The following FBXL20 variants were observed in gnomAD, a reference collection of about 807,000 sequenced individuals.
FBXL20 encodes F-box and leucine rich repeat protein 20.
Under a neutral mutation model 64.0 loss-of-function variants are expected in FBXL20, and 11 were observed. The ratio of observed to expected loss-of-function variants is 0.17; its 90% CI spans 0.11 to 0.28. The LOEUF (loss-of-function observed/expected upper bound fraction) is 0.28. Among genes scored for constraint, FBXL20 ranks in the 10% least tolerant of loss-of-function variants. The pLI is 1.00. For synonymous variants in FBXL20, 184 were observed against 189.0 expected, an observed-to-expected ratio of 0.97 and a Z score of 0.22; for missense variants, 303 against 526.2, an observed-to-expected ratio of 0.58 and a Z score of 4.15.
At chr17:39,294,282 T>C (rs2047065603) in intron 6 of FBXL20, among the ~76,000 whole-genome samples, 1 of 151,876 alleles carries the variant, frequency 6.6e-6, no homozygotes, top group African/African-American at 2.4e-5. Flanking sequence ...GCTGCTTCTT[T>C]ATTATTTTTT....
At chr17:39,279,691 T>A (rs2046931163) in intron 9 of FBXL20, among the ~76,000 whole-genome samples, 1 of 151,928 alleles carries the variant, frequency 6.6e-6, no homozygotes, top group Non-Finnish European at 1.5e-5. Flanking sequence ...AGCCCAGGAA[T>A]TCGAGACCAA....
At chr17:39,292,832 C>G (rs1041207005) in intron 6 of FBXL20, among the ~76,000 whole-genome samples, 6 of 151,210 alleles carry the variant, frequency 4.0e-5, no homozygotes, top group Non-Finnish European at 7.4e-5. Flanking sequence ...GCTCTGTAGC[C>G]CAGGCTGGAG....
rs1470823867 is a variant in FBXL20 at position 39,253,009 on chromosome 17, A to G, written c.*8451T>C. 3 of 152,340 alleles carry G rather than the reference A, an allele frequency of 2.0e-5. No homozygotes were observed. In the East Asian group the frequency reaches 5.7e-4, roughly 29 times the overall value. The allele number at this position is 152,340 out of a possible 1,614,324, so 9.4% of individuals were successfully genotyped here. ...AGGCCTAGTGGAGAAACAAGCAAGC[A>G]GCAGCTCTCACACACTGCAGCACTC... On this transcript the variant is annotated 3_prime_UTR_variant, in exon 15 of 15. Coordinates refer to ENST00000264658, the MANE Select transcript of FBXL20 (RefSeq NM_032875.3).
chr17:39,270,963 A>C, intron 10 of FBXL20, 107 bp from the exon 11 acceptor site: 1 of 857,992 alleles, frequency 1.2e-6, no homozygotes, highest in Non-Finnish European at 1.8e-6. Flanking sequence ...TTCTCTAAGG[A>C]CTTTATAATA....
chr17:39,260,020 A>G lies in FBXL20; in HGVS notation c.*1440T>C, dbSNP rs969195168. ...AAAAAAAAAAAAGACTGGGGCAGAA[A>G]AGAGAGATGACTGACAGGTTATGGG... On this transcript the variant is annotated 3_prime_UTR_variant, in exon 15 of 15. Coordinates refer to ENST00000264658, the MANE Select transcript of FBXL20 (RefSeq NM_032875.3). 1 of 151,776 alleles carries G rather than the reference A, an allele frequency of 6.6e-6. No individual in the cohort carries two copies. The highest frequency in any genetic ancestry group is 1.5e-5 in the Non-Finnish European group (1 of 68,032). 9.4% of individuals were successfully genotyped at this position (151,776 alleles called of 1,614,324 possible).
At chr17:39,296,682 C>G (rs1432734377) in intron 6 of FBXL20, among the ~76,000 whole-genome samples, 1 of 151,732 alleles carries the variant, frequency 6.6e-6, no homozygotes, top group African/African-American at 2.4e-5. Flanking sequence ...TAATTTCCTT[C>G]AGATCATGAC....
chr17:39,319,899 A>G (rs2047338584), intron 2 of FBXL20, among the ~76,000 whole-genome samples: 1 of 152,132 alleles, frequency 6.6e-6, no homozygotes, highest in Non-Finnish European at 1.5e-5. Flanking sequence ...AGCATGAGCC[A>G]CTGTGCCTAG....
At chr17:39,383,680 C>A (rs74451598) in intron 1 of FBXL20, among the ~76,000 whole-genome samples, 1 of 150,924 alleles carries the variant, frequency 6.6e-6, no homozygotes, top group African/African-American at 2.4e-5. Flanking sequence ...ACCTCCGCCT[C>A]CCAGGTTCAA....
At chr17:39,379,656 C>T (rs1177771583) in intron 1 of FBXL20, among the ~76,000 whole-genome samples, 1 of 151,702 alleles carries the variant, frequency 6.6e-6, no homozygotes, top group East Asian at 1.9e-4. Flanking sequence ...TGGTACCCAT[C>T]TGCCACTTAG....
intron 2 of FBXL20, among the ~76,000 whole-genome samples, chr17:39,331,710 TTTAA>T (rs2047463094): frequency 6.6e-6 from 1 of 152,208 alleles, no homozygotes; most frequent in African/African-American, 2.4e-5. Context: ...GGAAAGGTAA[TTTAA>T]TTATTTCTAT....
intron 1 of FBXL20, among the ~76,000 whole-genome samples, chr17:39,397,362 C>G (rs1296111629): frequency 6.6e-6 from 1 of 152,168 alleles, no homozygotes; most frequent in African/African-American, 2.4e-5. Flanking sequence ...GAAATTGGAG[C>G]ATATCACTTT....
chr17:39,363,672 A>G (rs1209029492), intron 1 of FBXL20, among the ~76,000 whole-genome samples: 1 of 151,828 alleles, frequency 6.6e-6, no homozygotes, highest in East Asian at 1.9e-4. Flanking sequence ...CTAGCTGGGC[A>G]TGGTGACACA....
chr17:39,343,280 A>G lies in FBXL20; in HGVS notation c.43-39T>C, dbSNP rs745488374. ...ATCATAGTGTCAAGTGTTACTTAAC[A>G]TTTTATTACAGAATGTTCAACTCAA... On this transcript the variant is annotated intron_variant, in intron 1 of 14. Transcript: ENST00000264658. The G allele has an allele frequency of 1.1e-5, 16 of 1,417,242 alleles. No homozygotes were observed. The South Asian group carries it at 1.9e-4, about 17-fold the overall frequency. 87.8% of individuals were successfully genotyped at this position (1,417,242 alleles called of 1,614,324 possible).
At position 39,259,020 on chromosome 17, in the gene FBXL20, C is replaced by T. The variant is rs2144324461; in HGVS notation, c.*2440G>A. The T allele has an allele frequency of 6.6e-6, 1 of 152,258 alleles. No homozygotes were observed. Among genetic ancestry groups the T allele is most frequent in the Middle Eastern group, 3.4e-3 (1 of 294 alleles). The allele number at this position is 152,258 out of a possible 1,614,324, so 9.4% of individuals were successfully genotyped here. A position where few individuals can be genotyped will look rare whatever the true frequency, so the allele number is the denominator to read the frequency against. ...GCGTTTTTAAAGCGGCACAATAAAA[C>T]AGGATTTAAAATAAATTTAATATGA... On this transcript the variant is annotated 3_prime_UTR_variant, in exon 15 of 15. Coordinates refer to ENST00000264658, the MANE Select transcript of FBXL20 (RefSeq NM_032875.3).
chr17:39,371,310 A>G (rs1215089705), intron 1 of FBXL20, among the ~76,000 whole-genome samples: 1 of 152,226 alleles, frequency 6.6e-6, no homozygotes, highest in Non-Finnish European at 1.5e-5. Context: ...TAAAAAATCA[A>G]AACTTATAGG....
At chr17:39,340,401 T>C (rs1175149230) in intron 2 of FBXL20, among the ~76,000 whole-genome samples, 4 of 152,116 alleles carry the variant, frequency 2.6e-5, no homozygotes, top group Admixed American at 1.3e-4. Context: ...GACTAATTTC[T>C]GTATTTTTAG....
chr17:39,311,645 T>G (rs1173914209), intron 2 of FBXL20, among the ~76,000 whole-genome samples: 1 of 152,158 alleles, frequency 6.6e-6, no homozygotes. Context: ...AAACAAAAAA[T>G]TTATCTAATG....
chr17:39,387,337 T>TGGC (rs2048091331), intron 1 of FBXL20, among the ~76,000 whole-genome samples: 1 of 146,938 alleles, frequency 6.8e-6, no homozygotes, highest in Non-Finnish European at 1.5e-5. Context: ...TGGAGTGCAA[T>TGGC]GGCGCAATCT....
intron 2 of FBXL20, among the ~76,000 whole-genome samples, chr17:39,335,454 C>T (rs1163769803): frequency 3.3e-5 from 5 of 151,798 alleles, no homozygotes; most frequent in Non-Finnish European, 7.4e-5. Flanking sequence ...CATGGTGGCA[C>T]GTGCTGTAGT....
Sources: gnomAD v4.1 joint callset for allele counts (sites outside exome capture counted in the v4.1 genomes callset) on GRCh38, gnomAD v4.1.1 for gene constraint, MANE v1.5 for transcripts, NCBI Gene and HGNC (gene_info 2026-07-23, HGNC 2026-07-21) for gene names.